The following ST6GALNAC3 variants were observed in gnomAD, a reference collection of about 807,000 sequenced individuals.
ST6GALNAC3 encodes ST6 N-acetylgalactosaminide alpha-2,6-sialyltransferase 3.
Under a neutral mutation model 32.7 loss-of-function variants are expected in ST6GALNAC3, and 25 were observed. The observed-to-expected ratio is 0.76, with a 90% CI of 0.56 to 1.07. The LOEUF is 1.07. Ranked by LOEUF, ST6GALNAC3 falls within the 50% of genes least tolerant of loss-of-function variation. ST6GALNAC3 has a pLI of 0.00. For synonymous variants in ST6GALNAC3, 129 were observed against 133.1 expected, an observed-to-expected ratio of 0.97 and a Z score of 0.21; for missense variants, 355 against 382.4, an observed-to-expected ratio of 0.93 and a Z score of 0.60.
intron 1 of ST6GALNAC3, among the ~76,000 whole-genome samples, chr1:76,081,062 T>G (rs1017435253): frequency 5.3e-5 from 8 of 152,166 alleles, no homozygotes; most frequent in Non-Finnish European, 1.0e-4. Context: ...CTGGCTTCTG[T>G]GCTAAGTAAA....
intron 2 of ST6GALNAC3, among the ~76,000 whole-genome samples, chr1:76,337,210 A>G (rs1396782821): frequency 6.6e-6 from 1 of 152,186 alleles, no homozygotes; most frequent in Non-Finnish European, 1.5e-5. Context: ...GACAAGGGGC[A>G]CATCATTCCT....
intron 2 of ST6GALNAC3, among the ~76,000 whole-genome samples, chr1:76,325,672 C>T (rs1375368908): frequency 6.7e-6 from 1 of 149,850 alleles, no homozygotes; most frequent in Non-Finnish European, 1.5e-5. Flanking sequence ...GAATGGTAGA[C>T]ATGCTGAAAA....
chr1:76,311,160 G>C (rs1455616980), intron 1 of ST6GALNAC3, among the ~76,000 whole-genome samples: 1 of 151,870 alleles, frequency 6.6e-6, no homozygotes, highest in African/African-American at 2.4e-5. Flanking sequence ...CTCTGTCCTA[G>C]GCAATTGGGA....
In ST6GALNAC3 at chr1:76,630,767, A is replaced by T. The variant is rs1195751483; in HGVS notation, c.*1961A>T. On this transcript the variant is annotated 3_prime_UTR_variant, in exon 5 of 5. Transcript: ENST00000328299. ...AGTTCTATCGTTGGAAGGAGTTGTT[A>T]TTCTTTTGTTGTTCCCTTATGCAAT... 2 of 985,522 alleles carry T rather than the reference A, an allele frequency of 2.0e-6. No individual in the cohort carries two copies. The highest frequency in any genetic ancestry group is 6.2e-5 in the Admixed American group (1 of 16,212). The allele number at this position is 985,522 out of a possible 1,614,324, so 61.0% of individuals were successfully genotyped here.
intron 1 of ST6GALNAC3, among the ~76,000 whole-genome samples, chr1:76,104,547 A>G (rs185331601): frequency 5.3e-5 from 8 of 151,192 alleles, no homozygotes; most frequent in African/African-American, 1.9e-4. Context: ...TAGGGGAGAA[A>G]TAGGCCCAGA....
intron 1 of ST6GALNAC3, among the ~76,000 whole-genome samples, chr1:76,306,682 G>A (rs1002352353): frequency 2.3e-5 from 1 of 43,332 alleles, no homozygotes; most frequent in East Asian, 1.4e-3. Flanking sequence ...TTTTTTTTGG[G>A]GGGCGGGGGG....
At chr1:76,591,223 G>A (rs375993437) in intron 3 of ST6GALNAC3, among the ~76,000 whole-genome samples, 1 of 151,812 alleles carries the variant, frequency 6.6e-6, no homozygotes, top group Non-Finnish European at 1.5e-5. Flanking sequence ...GTGTGTGTAG[G>A]GGCTGGAGTG....
chr1:76,562,132 G>A (rs1032813315), intron 3 of ST6GALNAC3, among the ~76,000 whole-genome samples: 1 of 152,180 alleles, frequency 6.6e-6, no homozygotes, highest in Non-Finnish European at 1.5e-5. Flanking sequence ...AATGGGGACA[G>A]TGTTTCTCCT....
chr1:76,595,414 A>G (rs990099998), intron 3 of ST6GALNAC3, among the ~76,000 whole-genome samples: 1 of 152,110 alleles, frequency 6.6e-6, no homozygotes, highest in African/African-American at 2.4e-5. Context: ...CCCCAAAGCT[A>G]TGCAGAGCCT....
chr1:76,222,059 G>A (rs188441929), intron 1 of ST6GALNAC3, among the ~76,000 whole-genome samples: 1 of 152,206 alleles, frequency 6.6e-6, no homozygotes, highest in East Asian at 1.9e-4. Context: ...TTATATATTT[G>A]TGTATGTATT....
At chr1:76,459,935 C>T (rs1162126805) in intron 3 of ST6GALNAC3, among the ~76,000 whole-genome samples, 1 of 152,072 alleles carries the variant, frequency 6.6e-6, no homozygotes, top group Non-Finnish European at 1.5e-5. Flanking sequence ...CTGTGAGTAG[C>T]GTTGTTATGC....
At chr1:76,570,922 C>T (rs1285208614) in intron 3 of ST6GALNAC3, among the ~76,000 whole-genome samples, 1 of 152,030 alleles carries the variant, frequency 6.6e-6, no homozygotes, top group East Asian at 1.9e-4. Context: ...CCTGCTGAGA[C>T]TCAAATACCA....
At position 76,441,429 on chromosome 1, in the gene ST6GALNAC3, A is replaced by G. The variant is rs974808757; in HGVS notation, c.623+29012A>G. 2.0e-5 allele frequency among the ~76,000 whole-genome samples: 3 copies of G among 152,150 alleles called. No individual in the cohort carries two copies. The East Asian group carries it at 5.8e-4, about 29-fold the overall frequency. On this transcript the variant is annotated intron_variant, in intron 3 of 4. Coordinates refer to ENST00000328299, the MANE Select transcript of ST6GALNAC3 (RefSeq NM_152996.4). ...AGCTAGCAGAGGAAGGAACTATAGG[A>G]AAAAAATGTGGTCAAGGCAGAACTC... is the stretch of plus-strand genomic sequence containing the variant.
intron 3 of ST6GALNAC3, among the ~76,000 whole-genome samples, chr1:76,501,965 T>C (rs1661199804): frequency 6.6e-6 from 1 of 152,240 alleles, no homozygotes; most frequent in Non-Finnish European, 1.5e-5. Flanking sequence ...TCCCACGTTC[T>C]GAGACGGCTG....
At chr1:76,287,643 C>T (rs866340778) in intron 1 of ST6GALNAC3, among the ~76,000 whole-genome samples, 4 of 152,214 alleles carry the variant, frequency 2.6e-5, no homozygotes, top group South Asian at 4.2e-4. Context: ...TAGCCTAAAT[C>T]GCAGGCATTA....
intron 2 of ST6GALNAC3, among the ~76,000 whole-genome samples, chr1:76,393,264 C>T (rs1172030783): frequency 6.6e-6 from 1 of 152,170 alleles, no homozygotes; most frequent in Non-Finnish European, 1.5e-5. Flanking sequence ...TTAGTGGAAT[C>T]TTTAAGGCCG....
chr1:76,469,505 C>T (rs1349689066), intron 3 of ST6GALNAC3, among the ~76,000 whole-genome samples: 1 of 152,068 alleles, frequency 6.6e-6, no homozygotes, highest in Non-Finnish European at 1.5e-5. Context: ...AAGCTGAAAC[C>T]AGAATATGTT....
At chr1:76,248,963 G>C (rs78581745) in intron 1 of ST6GALNAC3, among the ~76,000 whole-genome samples, 10,775 of 152,092 alleles carry the variant, frequency 0.071, 974 homozygotes, top group African/African-American at 0.21. Context: ...TATTAACATG[G>C]CTTTCAAGAT....
intron 1 of ST6GALNAC3, among the ~76,000 whole-genome samples, chr1:76,283,425 A>T (rs1038307929): frequency 1.3e-5 from 2 of 152,178 alleles, no homozygotes; most frequent in African/African-American, 4.8e-5. Flanking sequence ...TCTAGAGCTC[A>T]CTGAAAGTGT....
Sources: allele counts gnomAD v4.1 joint callset (sites outside exome capture counted in the v4.1 genomes callset), GRCh38; gene constraint gnomAD v4.1.1; transcripts MANE v1.5; gene names NCBI Gene and HGNC (gene_info 2026-07-23, HGNC 2026-07-21).